ACVR1: variants seen among roughly 807,000 people sequenced by gnomAD.
ACVR1 encodes activin A receptor type 1.
ACVR1 carries 38 observed loss-of-function variants against 57.1 expected under a neutral mutation model. The observed-to-expected ratio is 0.67, with a 90% CI of 0.51 to 0.87. The LOEUF (loss-of-function observed/expected upper bound fraction) is 0.87. Among genes scored for constraint, ACVR1 ranks in the 40% least tolerant of loss-of-function variants. The pLI, the probability that ACVR1 is intolerant of heterozygous loss-of-function variation, is 0.00. For missense variants in ACVR1, 463 were observed against 638.2 expected (o/e 0.73, Z 2.96); for synonymous variants, 212 against 228.1 (o/e 0.93, Z 0.63).
intron 2 of ACVR1, among the ~76,000 whole-genome samples, chr2:157,814,500 G>A (rs538419218): frequency 4.6e-5 from 7 of 152,184 alleles, no homozygotes; most frequent in Non-Finnish European, 8.8e-5. Context: ...GCAAGGGCAT[G>A]AGAAAACTGT....
chr2:157,832,772 G>C (rs916654270), intron 1 of ACVR1, among the ~76,000 whole-genome samples: 2 of 152,108 alleles, frequency 1.3e-5, no homozygotes, highest in Non-Finnish European at 2.9e-5. Flanking sequence ...GAATTTGACT[G>C]TTAGGAGTCT....
Position 157,825,489 on chromosome 2 carries a change from T to A in ACVR1, c.-182-6930A>T, listed in dbSNP as rs373195905. On this transcript the variant is annotated intron_variant, in intron 1 of 10. Transcript: ENST00000434821. ...CGGCCGCACAGCAGAGGTAAGGGGC[T>A]GGCAAGTGAGCATTAGGCCTGAGCT... 6.6e-5 allele frequency among the ~76,000 whole-genome samples: 10 copies of A among 152,248 alleles called. No homozygotes were observed. The East Asian group carries it at 1.4e-3, about 21-fold the overall frequency.
At chr2:157,815,147 T>C (rs901548721) in intron 2 of ACVR1, among the ~76,000 whole-genome samples, 97 of 152,274 alleles carry the variant, frequency 6.4e-4, no homozygotes, top group African/African-American at 2.3e-3. Flanking sequence ...CCAAGAAATA[T>C]TATTTCAATA....
chr2:157,836,713 G>C (rs191605242), intron 1 of ACVR1, among the ~76,000 whole-genome samples: 1 of 152,056 alleles, frequency 6.6e-6, no homozygotes, highest in African/African-American at 2.4e-5. Context: ...AGTCCCTACC[G>C]GGGTGCCTGA....
At chr2:157,766,770 T>C (rs2105261520) in intron 7 of ACVR1, among the ~76,000 whole-genome samples, 1 of 152,336 alleles carries the variant, frequency 6.6e-6, no homozygotes, top group South Asian at 2.1e-4. Flanking sequence ...ATGCTATCTG[T>C]CAGTCACACA....
rs1343669869 is a variant in ACVR1, at chr2:157,780,368, G to A, written c.300C>T (p.Asn100=). The change falls in exon 4 of 11, where the codon AAC becomes AAT. Residue 100 remains asparagine, a synonymous_variant. Coordinates refer to ENST00000434821, the MANE Select transcript of ACVR1 (RefSeq NM_001111067.4). ...AVECCQGDWC[N]RNITAQLPTK... is the part of the protein sequence containing the mutation. ...TGGGCAGCTGGGCCGTGATGTTCCT[G>A]TTACACCAGTCCCCTTGGCAGCACT... 1.2e-6 allele frequency: 2 copies of A among 1,614,198 alleles called. No individual in the cohort carries two copies. The highest frequency in any genetic ancestry group is 1.7e-6 in the Non-Finnish European group (2 of 1,180,012).
chr2:157,862,385 A>G (rs1185706080), intron 1 of ACVR1, among the ~76,000 whole-genome samples: 1 of 151,480 alleles, frequency 6.6e-6, no homozygotes, highest in Admixed American at 6.6e-5. Flanking sequence ...TCCTATGCAT[A>G]AGACAGCATA....
chr2:157,753,966 C>T (rs1685312870), intron 9 of ACVR1, among the ~76,000 whole-genome samples: 1 of 152,124 alleles, frequency 6.6e-6, no homozygotes, highest in Non-Finnish European at 1.5e-5. Flanking sequence ...ACCTTCAAAA[C>T]CATGCAAATA....
At chr2:157,746,509 G>T (rs1684970537) in intron 9 of ACVR1, among the ~76,000 whole-genome samples, 1 of 152,216 alleles carries the variant, frequency 6.6e-6, no homozygotes, top group African/African-American at 2.4e-5. Flanking sequence ...GAGAACCACA[G>T]CAAGGAAGAC....
At chr2:157,747,667 A>G (rs925185466) in intron 9 of ACVR1, among the ~76,000 whole-genome samples, 1 of 152,174 alleles carries the variant, frequency 6.6e-6, no homozygotes, top group African/African-American at 2.4e-5. Flanking sequence ...TGGGAGAGTA[A>G]TAATTAAAAG....
chr2:157,736,983 G>T lies in ACVR1; in HGVS notation c.*548C>A, dbSNP rs1357635696. The T allele has an allele frequency of 3.4e-6, 1 of 292,940 alleles. No homozygotes were observed. The highest frequency in any genetic ancestry group is 6.3e-6 in the Non-Finnish European group (1 of 157,896). The allele number at this position is 292,940 out of a possible 1,614,324, so 18.1% of individuals were successfully genotyped here. On this transcript the variant is annotated 3_prime_UTR_variant, in exon 11 of 11. Coordinates refer to ENST00000434821, the MANE Select transcript of ACVR1 (RefSeq NM_001111067.4). Reference sequence around the variant, plus strand: ...GCAGCAAAGTCTGACATTACATTTTGTTTTGCCAAATTGAATTCCTATTAT... The same window carrying T: ...GCAGCAAAGTCTGACATTACATTTTTTTTTGCCAAATTGAATTCCTATTAT...
intron 9 of ACVR1, among the ~76,000 whole-genome samples, chr2:157,740,753 A>G (rs112326223): frequency 0.018 from 2,814 of 152,328 alleles, 77 homozygotes; most frequent in African/African-American, 0.061. Flanking sequence ...GAATTTCACT[A>G]TACAAAGCTG....
At chr2:157,757,570 G>A (rs1051278850) in intron 9 of ACVR1, among the ~76,000 whole-genome samples, 8 of 151,692 alleles carry the variant, frequency 5.3e-5, no homozygotes, top group South Asian at 2.1e-4. Context: ...GTAATCTCAC[G>A]GGCCAAGAGA....
chr2:157,805,900 T>C (rs1464270237), intron 2 of ACVR1, among the ~76,000 whole-genome samples: 4 of 142,280 alleles, frequency 2.8e-5, no homozygotes, highest in African/African-American at 1.0e-4. Flanking sequence ...CTCAGCTTAC[T>C]GCAGCCTCAA....
chr2:157,869,930 G>A (rs1348597150), intron 1 of ACVR1, among the ~76,000 whole-genome samples: 1 of 152,052 alleles, frequency 6.6e-6, no homozygotes. Context: ...TCAAGACAAG[G>A]GATATTCATC....
intron 1 of ACVR1, among the ~76,000 whole-genome samples, chr2:157,828,284 C>CA (rs1688460036): frequency 6.6e-6 from 1 of 151,582 alleles, no homozygotes; most frequent in Non-Finnish European, 1.5e-5. Flanking sequence ...CCCGTCTCTA[C>CA]AAAAATACAA....
intron 1 of ACVR1, among the ~76,000 whole-genome samples, chr2:157,864,877 C>T (rs1689856187): frequency 6.6e-6 from 1 of 151,788 alleles, no homozygotes; most frequent in African/African-American, 2.4e-5. Flanking sequence ...TGCCTCCACT[C>T]TTGATCAATA....
At chr2:157,771,012 T>A (rs529574700) in intron 6 of ACVR1, among the ~76,000 whole-genome samples, 1 of 152,198 alleles carries the variant, frequency 6.6e-6, no homozygotes, top group Admixed American at 6.5e-5. Flanking sequence ...TAGATATGCA[T>A]TTTTTCCACA....
intron 6 of ACVR1, among the ~76,000 whole-genome samples, chr2:157,773,423 A>T (rs149772942): frequency 6.6e-6 from 1 of 152,256 alleles, no homozygotes; most frequent in Non-Finnish European, 1.5e-5. Flanking sequence ...GTATGGTTAT[A>T]GTTACACTAT....
Sources: allele counts gnomAD v4.1 joint callset (sites outside exome capture counted in the v4.1 genomes callset), GRCh38; gene constraint gnomAD v4.1.1; transcripts MANE v1.5; gene names NCBI Gene and HGNC (gene_info 2026-07-23, HGNC 2026-07-21).